The following HYDIN variants were observed in gnomAD, a reference collection of about 807,000 sequenced individuals.
The protein encoded by HYDIN is HYDIN axonemal central pair apparatus protein.
In HYDIN, 132 loss-of-function variants were observed where a neutral mutation model predicts 403.9. That is an observed-to-expected ratio of 0.33 (90% CI 0.28 to 0.38). The LOEUF is 0.38. Ranked by LOEUF, HYDIN falls within the 10% of genes least tolerant of loss-of-function variation. The pLI is 1.00. For missense variants in HYDIN, 2,827 were observed against 5,009.5 expected (o/e 0.56, Z 13.15); for synonymous variants, 1,202 against 1,891.7 (o/e 0.64, Z 9.46).
intron 19 of HYDIN, among the ~76,000 whole-genome samples, chr16:71,029,259 T>A (rs1442979177): frequency 2.2e-5 from 3 of 139,290 alleles, no homozygotes; most frequent in African/African-American, 8.0e-5. Flanking sequence ...TGGGCATGGC[T>A]GTGTTCCAAT....
intron 41 of HYDIN, among the ~76,000 whole-genome samples, chr16:70,948,939 C>G (rs2077971697): frequency 1.4e-5 from 2 of 144,818 alleles, no homozygotes; most frequent in African/African-American, 5.1e-5. Flanking sequence ...ACCATTTGAC[C>G]CAGCCATCCC....
In HYDIN at chr16:70,951,160, G is replaced by A. The variant is rs78173919; in HGVS notation, c.6531+1261C>T. The stretch of plus-strand genomic sequence containing the variant: ...TGGGGTGGAAGGATTGCTTAAGCCC[G>A]GGAGCTCAAGGCCGCAGTGAACAAA... On this transcript the variant is annotated intron_variant, in intron 41 of 85. Transcript: ENST00000393567. Among the ~76,000 whole-genome samples the A allele has an allele frequency of 9.2e-5, 14 of 152,020 alleles. No homozygotes were observed. The South Asian group carries it at 1.7e-3, about 18-fold the overall frequency.
intron 1 of HYDIN, 88 bp from the exon 2 acceptor site, chr16:71,187,006 G>A: frequency 1.2e-6 from 1 of 804,566 alleles, no homozygotes; most frequent in Non-Finnish European, 2.0e-6. Context: ...TCAAATACAG[G>A]AAGGTTTAGA....
At chr16:71,000,934 T>C (rs1385100338) in intron 23 of HYDIN, among the ~76,000 whole-genome samples, 6 of 152,228 alleles carry the variant, frequency 3.9e-5, no homozygotes, top group Non-Finnish European at 7.4e-5. Context: ...GCGCGGACAT[T>C]GATTATGCTT....
chr16:70,840,405 G>C (rs1052416298), intron 75 of HYDIN, among the ~76,000 whole-genome samples, 172 bp from the exon 76 acceptor site: 1 of 151,612 alleles, frequency 6.6e-6, no homozygotes, highest in African/African-American at 2.4e-5. Context: ...TTGAAGAAAA[G>C]TTCCTCTGTA....
chr16:70,868,522 T>C (rs766208519), intron 66 of HYDIN, 48 bp downstream of exon 66: 68 of 1,566,208 alleles, frequency 4.3e-5, no homozygotes, highest in Non-Finnish European at 5.5e-5. Context: ...CCAGTAGGAA[T>C]CCAAGCATGG....
At chr16:71,197,464 G>A (rs954817428) in intron 1 of HYDIN, among the ~76,000 whole-genome samples, 2 of 152,174 alleles carry the variant, frequency 1.3e-5, no homozygotes, top group African/African-American at 2.4e-5. Flanking sequence ...CAGTTTGATT[G>A]AGCAGGTGAT....
At chr16:71,120,912 CACTCA>C (rs933609082) in intron 9 of HYDIN, among the ~76,000 whole-genome samples, 2 of 152,154 alleles carry the variant, frequency 1.3e-5, no homozygotes, top group African/African-American at 4.8e-5. Flanking sequence ...CACGTTTGCC[CACTCA>C]AATACTATGC....
intron 13 of HYDIN, among the ~76,000 whole-genome samples, chr16:71,074,836 T>C (rs2082580758): frequency 6.6e-6 from 1 of 151,590 alleles, no homozygotes; most frequent in Non-Finnish European, 1.5e-5. Flanking sequence ...AATGGTACTT[T>C]GTTGGAGTCA....
At chr16:71,057,430 C>T (rs2144257286) in intron 18 of HYDIN, among the ~76,000 whole-genome samples, 1 of 152,260 alleles carries the variant, frequency 6.6e-6, no homozygotes, top group East Asian at 1.9e-4. Context: ...GGACCAACGT[C>T]TCTGGTGAGC....
chr16:70,906,449 C>T (rs1597284511), intron 50 of HYDIN, among the ~76,000 whole-genome samples: 1 of 151,402 alleles, frequency 6.6e-6, no homozygotes, highest in Admixed American at 6.6e-5. Context: ...CCTTTCTCCC[C>T]GTTGGCATGC....
At chr16:70,824,133 T>C (rs1181978800) in intron 83 of HYDIN, among the ~76,000 whole-genome samples, 1 of 151,304 alleles carries the variant, frequency 6.6e-6, no homozygotes, top group Non-Finnish European at 1.5e-5. Flanking sequence ...AAATGCTTTT[T>C]ATTCTTTGAA....
chr16:70,810,704 C>T (rs1340865124), intron 84 of HYDIN, among the ~76,000 whole-genome samples: 1 of 152,082 alleles, frequency 6.6e-6, no homozygotes, highest in Non-Finnish European at 1.5e-5. Flanking sequence ...GTGGTGCGCA[C>T]CTGTAGTCCC....
At chr16:71,029,977 C>T (rs148647540) in intron 19 of HYDIN, among the ~76,000 whole-genome samples, 150 of 152,250 alleles carry the variant, frequency 9.9e-4, no homozygotes, top group African/African-American at 2.6e-3. Context: ...CTAGTGATGG[C>T]GACATGACTC....
intron 22 of HYDIN, among the ~76,000 whole-genome samples, chr16:71,019,880 C>T (rs1407161620): frequency 6.6e-6 from 1 of 152,288 alleles, no homozygotes; most frequent in Non-Finnish European, 1.5e-5. Context: ...AGAAATGTTT[C>T]GTATACAAGG....
At chr16:70,978,497 C>T (rs2078952051) in intron 30 of HYDIN, among the ~76,000 whole-genome samples, 1 of 151,742 alleles carries the variant, frequency 6.6e-6, no homozygotes, top group African/African-American at 2.4e-5. Flanking sequence ...CCTGGCCCTC[C>T]GTCAGCTTCT....
intron 73 of HYDIN, among the ~76,000 whole-genome samples, chr16:70,853,326 G>C (rs1335364535): frequency 6.6e-6 from 1 of 151,122 alleles, no homozygotes; most frequent in African/African-American, 2.4e-5. Flanking sequence ...TTTTTTTCTG[G>C]AAACATGCCA....
intron 45 of HYDIN, among the ~76,000 whole-genome samples, chr16:70,930,349 C>T (rs1357158432): frequency 2.6e-5 from 4 of 152,186 alleles, no homozygotes; most frequent in Non-Finnish European, 4.4e-5. Context: ...GGCATGGTGG[C>T]ACACGTCTGC....
In HYDIN at chr16:70,810,136, C is replaced by T. The variant is rs891412932; in HGVS notation, c.14659-129G>A. The stretch of plus-strand genomic sequence containing the variant: ...TGCACATGATCATGCTGTTCTTGCT[C>T]CTGGGGAACCTGTCCAAACCAGCCC... On this transcript the variant is annotated intron_variant, in intron 84 of 85. Coordinates refer to ENST00000393567, the MANE Select transcript of HYDIN (RefSeq NM_001270974.2). 10 of 827,430 alleles carry T rather than the reference C, an allele frequency of 1.2e-5. No homozygotes were observed. The African/African-American group carries it at 1.5e-4, about 13-fold the overall frequency. 51.3% of individuals were successfully genotyped at this position (827,430 alleles called of 1,614,324 possible).
Sources: gnomAD v4.1 joint callset for allele counts (sites outside exome capture counted in the v4.1 genomes callset) on GRCh38, gnomAD v4.1.1 for gene constraint, MANE v1.5 for transcripts, NCBI Gene and HGNC (gene_info 2026-07-23, HGNC 2026-07-21) for gene names.